CDH23: variants seen among roughly 807,000 people sequenced by gnomAD.
The protein encoded by CDH23 is cadherin related 23, also known as cadherin-23.
CDH23 carries 189 observed loss-of-function variants against 317.1 expected under a neutral mutation model. The observed-to-expected ratio is 0.60, with a 90% CI of 0.53 to 0.67. CDH23 has a LOEUF of 0.67. Among genes scored for constraint, CDH23 ranks in the 30% least tolerant of loss-of-function variants. The probability of loss-of-function intolerance (pLI) is 0.00; values close to 1 mark genes in which losing one functional copy is unlikely to be tolerated. For synonymous variants in CDH23, 1,839 were observed against 1,876.8 expected (o/e 0.98, Z 0.52); for missense variants, 4,401 against 4,592.4 (o/e 0.96, Z 1.20).
At chr10:71,736,004 A>C (rs923840914) in intron 34 of CDH23, among the ~76,000 whole-genome samples, 2 of 152,214 alleles carry the variant, frequency 1.3e-5, no homozygotes, top group Admixed American at 6.5e-5. Flanking sequence ...CAATGGGCCC[A>C]CCTGGCCCTC....
intron 14 of CDH23, chr10:71,646,999 G>A: frequency 1.0e-6 from 1 of 985,432 alleles, no homozygotes; most frequent in Non-Finnish European, 1.2e-6. Flanking sequence ...CCAGAGAGGG[G>A]CAGGCGCCTG....
At chr10:71,759,882 C>CAT (rs1413573955) in intron 38 of CDH23, among the ~76,000 whole-genome samples, 16,486 of 63,162 alleles carry the variant, frequency 0.26, 4,109 homozygotes, top group Non-Finnish European at 0.37. Flanking sequence ...TACACACACA[C>CAT]ACATATACAC....
chr10:71,438,994 C>T (rs952683518), intron 1 of CDH23, among the ~76,000 whole-genome samples: 2 of 152,146 alleles, frequency 1.3e-5, no homozygotes, highest in Admixed American at 6.5e-5. Flanking sequence ...GCTCCTGAGC[C>T]GCTGGAGGAC....
Position 71,815,594 on chromosome 10 carries a change from C to CT in CDH23, c.*317dup. 8.0e-6 allele frequency: 2 copies of CT among 249,766 alleles called. No homozygotes were observed. The highest frequency in any genetic ancestry group is 1.5e-5 in the Non-Finnish European group (2 of 129,894). 15.5% of individuals were successfully genotyped at this position (249,766 alleles called of 1,614,324 possible). On this transcript the variant is annotated 3_prime_UTR_variant, in exon 70 of 70. Transcript: ENST00000224721. ...GGGGACCAGCTTGGCTCAGGCTGAG[C>CT]TGAAAGAGGCCAAACAGGCCCTCCT...
chr10:71,777,486 T>G (rs1324157973), intron 38 of CDH23, among the ~76,000 whole-genome samples, 194 bp from the exon 39 acceptor site: 1 of 152,172 alleles, frequency 6.6e-6, no homozygotes, highest in African/African-American at 2.4e-5. Flanking sequence ...GACAGAGCAG[T>G]TACCTTACTT....
chr10:71,785,490 A>C (rs1045350743), intron 43 of CDH23, 141 bp from the exon 44 acceptor site: 11 of 639,442 alleles, frequency 1.7e-5, no homozygotes, highest in Non-Finnish European at 2.8e-5. Flanking sequence ...CCCCGGCGAG[A>C]CCCTGCCGAC....
Position 71,439,881 on chromosome 10 carries a change from T to C in CDH23, c.50T>C (p.Leu17Pro). The change falls in exon 2 of 70, where the codon CTG (leucine) becomes CCG (proline). Residue 17 changes from leucine (L) to proline (P), a missense_variant. By Grantham distance (98) the Leu-to-Pro change is moderately conservative (BLOSUM62 -3). Coordinates refer to ENST00000224721, the MANE Select transcript of CDH23 (RefSeq NM_022124.6). The part of the protein sequence containing the change: ...TSCHVAWLLV[L>P]ISGCWGQVNR... ...TGCCACGTGGCCTGGCTTTTGGTGC[T>C]GATCTCTGGATGCTGGGGTAAGTCC... 1 of 1,575,552 alleles carries C rather than the reference T, an allele frequency of 6.3e-7. No homozygotes were observed. Among genetic ancestry groups the C allele is most frequent in the Admixed American group, 1.8e-5 (1 of 54,504 alleles).
chr10:71,402,104 G>GCCGC (rs2131889804), intron 1 of CDH23, among the ~76,000 whole-genome samples: 1 of 152,312 alleles, frequency 6.6e-6, no homozygotes, highest in South Asian at 2.1e-4. Context: ...GGCCGCTGCT[G>GCCGC]CCGCCCACAG....
At chr10:71,598,138 G>A (rs572702573) in intron 9 of CDH23, among the ~76,000 whole-genome samples, 101 of 152,332 alleles carry the variant, frequency 6.6e-4, no homozygotes, top group Admixed American at 2.7e-3. Context: ...ATCTTCCGAC[G>A]GGAGCCTGTA....
chr10:71,675,836 C>T (rs926433226), intron 15 of CDH23, among the ~76,000 whole-genome samples: 8 of 151,484 alleles, frequency 5.3e-5, no homozygotes, highest in South Asian at 2.1e-4. Context: ...TAAATTGGTC[C>T]GGGCTTGATT....
chr10:71,551,441 G>T (rs180800591), intron 6 of CDH23, among the ~76,000 whole-genome samples: 2 of 152,156 alleles, frequency 1.3e-5, no homozygotes, highest in East Asian at 3.9e-4. Context: ...TCGAGTCTCC[G>T]CATTCTTCAT....
intron 68 of CDH23, 70 bp downstream of exon 68, chr10:71,812,960 G>C (rs1841993000): frequency 6.3e-7 from 1 of 1,587,666 alleles, no homozygotes; most frequent in Non-Finnish European, 8.6e-7. Context: ...GAGAACACAG[G>C]GTGGTAGAGA....
At chr10:71,802,779 A>C (rs542215325) in intron 53 of CDH23, 119 bp from the exon 54 acceptor site, 90 of 1,044,490 alleles carry the variant, frequency 8.6e-5, no homozygotes, top group Admixed American at 1.6e-4. Context: ...AGAAGACATT[A>C]CCTCCCTCCC....
At chr10:71,420,478 G>A (rs1848737182) in intron 1 of CDH23, among the ~76,000 whole-genome samples, 3 of 149,608 alleles carry the variant, frequency 2.0e-5, no homozygotes, top group Admixed American at 6.6e-5. Flanking sequence ...TGGTGATGAT[G>A]ATGGTGATGG....
intron 38 of CDH23, among the ~76,000 whole-genome samples, chr10:71,744,273 A>G (rs1401541311): frequency 6.6e-6 from 1 of 152,086 alleles, no homozygotes; most frequent in Non-Finnish European, 1.5e-5. Context: ...AATGCAGGCC[A>G]GTCAACGCAC....
chr10:71,772,045 G>A lies in CDH23; in HGVS notation c.4846-5635G>A, dbSNP rs188191391. The stretch of plus-strand genomic sequence containing the variant: ...CTGTTCCTTCTGGAAGCCATGCCCT[G>A]CCATGAGCCATGGCCTTGGTGCTGA... On this transcript the variant is annotated intron_variant, in intron 38 of 69. Transcript: ENST00000224721. Among the ~76,000 whole-genome samples the A allele has an allele frequency of 3.0e-3, 461 of 152,304 alleles. 9 individuals are homozygous for A. Among genetic ancestry groups the A allele is most frequent in the Admixed American group, 0.028 (422 of 15,308 alleles).
In CDH23 at chr10:71,481,662, G is replaced by A. The variant is rs1327929803; in HGVS notation, c.146-28420G>A. ...CAGGTAGGAAAGCTTTTAAGTGCTG[G>A]AAGCTGGGAAATTACTGGACGTGGC... is the stretch of plus-strand genomic sequence containing the variant. On this transcript the variant is annotated intron_variant, in intron 3 of 69. Transcript: ENST00000224721. 2.0e-5 allele frequency among the ~76,000 whole-genome samples: 3 copies of A among 152,206 alleles called. No homozygotes were observed. In the East Asian group the frequency reaches 5.8e-4, roughly 29 times the overall value.
chr10:71,445,651 C>A (rs1393837909), intron 2 of CDH23, among the ~76,000 whole-genome samples: 2 of 152,064 alleles, frequency 1.3e-5, no homozygotes, highest in African/African-American at 2.4e-5. Flanking sequence ...CCAGCCTGGG[C>A]AACATAGTAA....
chr10:71,716,218 G>A (rs1260424519), intron 28 of CDH23: 8 of 1,550,914 alleles, frequency 5.2e-6, no homozygotes, highest in East Asian at 2.4e-5. Flanking sequence ...AGGCCAGGGC[G>A]ATGAGCATGG....
Sources: gnomAD v4.1 joint callset for allele counts (sites outside exome capture counted in the v4.1 genomes callset) on GRCh38, gnomAD v4.1.1 for gene constraint, MANE v1.5 for transcripts, NCBI Gene and HGNC (gene_info 2026-07-23, HGNC 2026-07-21) for gene names.